Variants in SLC12A8 observed in about 807,000 individuals in gnomAD.
SLC12A8 encodes the protein solute carrier family 12 member 8.
In SLC12A8, 69 loss-of-function variants were observed where a neutral mutation model predicts 75.6. That is an observed-to-expected ratio of 0.91 (90% CI 0.75 to 1.11). The LOEUF (loss-of-function observed/expected upper bound fraction) is 1.11. Among genes scored for constraint, SLC12A8 ranks in the 50% most tolerant of loss-of-function variants. The pLI is 0.00. For synonymous variants in SLC12A8, 365 were observed against 372.8 expected (o/e 0.98, Z 0.24); for missense variants, 877 against 896.7 (o/e 0.98, Z 0.28).
intron 11 of SLC12A8, among the ~76,000 whole-genome samples, 160 bp downstream of exon 11, chr3:125,091,941 A>T (rs1002413632): frequency 2.0e-5 from 3 of 152,212 alleles, no homozygotes; most frequent in Admixed American, 2.0e-4. Flanking sequence ...ATTAAATGTA[A>T]TCTTGCCATA....
At chr3:125,180,528 A>C (rs940032794) in intron 4 of SLC12A8, among the ~76,000 whole-genome samples, 7 of 152,142 alleles carry the variant, frequency 4.6e-5, no homozygotes, top group African/African-American at 7.2e-5. Context: ...CTCCATCTCT[A>C]CTAAAAATAA....
At chr3:125,121,970 C>T (rs970259383) in intron 6 of SLC12A8, among the ~76,000 whole-genome samples, 10 of 152,218 alleles carry the variant, frequency 6.6e-5, no homozygotes, top group African/African-American at 2.2e-4. Context: ...TTTAGCCCAG[C>T]GTGTTTATAA....
intron 5 of SLC12A8, among the ~76,000 whole-genome samples, chr3:125,154,527 C>T (rs1314848739): frequency 6.6e-6 from 1 of 152,146 alleles, no homozygotes; most frequent in Non-Finnish European, 1.5e-5. Context: ...TAGCACCTGG[C>T]ACAAACAGAA....
At chr3:125,107,131 C>G (rs1939048078) in intron 10 of SLC12A8, among the ~76,000 whole-genome samples, 1 of 152,120 alleles carries the variant, frequency 6.6e-6, no homozygotes, top group Non-Finnish European at 1.5e-5. Flanking sequence ...TAGTTTATCA[C>G]AACACATTTC....
At chr3:125,100,173 T>C (rs2788463) in intron 10 of SLC12A8, among the ~76,000 whole-genome samples, 147,933 of 152,228 alleles carry the variant, frequency 0.97, 72,017 homozygotes, top group East Asian at 1. Context: ...AGTATATCAA[T>C]AAATATGTAA....
chr3:125,107,972 A>C lies in SLC12A8; in HGVS notation c.1214T>G (p.Leu405Arg). 6.2e-7 allele frequency: 1 copy of C among 1,614,218 alleles called. No homozygotes were observed. The change falls in exon 10 of 14, where the codon CTG becomes CGG. Residue 405 changes from leucine (L) to arginine (R), a missense_variant. Leu to Arg is a moderately radical substitution (Grantham distance 102, BLOSUM62 -2). Transcript: ENST00000469902. ...GGTCAGGCTGCAGGAACACATGGAC[A>C]GGGAGAAGTAAGAGTAGTCCACTGC... ...YVAVDYSYFSLSMCSCSLTPV... is the reference protein window; with the variant it reads ...YVAVDYSYFSRSMCSCSLTPV...
intron 5 of SLC12A8, among the ~76,000 whole-genome samples, chr3:125,173,452 CAAAAAAAAAAAAAA>C (rs61001520): frequency 2.5e-5 from 2 of 79,626 alleles, no homozygotes; most frequent in African/African-American, 5.4e-5. Flanking sequence ...ATTCATGAGC[CAAAAAAAAAAAAAA>C]AAAAAAAAAC....
intron 10 of SLC12A8, among the ~76,000 whole-genome samples, chr3:125,099,831 G>A (rs1459931971): frequency 6.6e-6 from 1 of 152,140 alleles, no homozygotes; most frequent in Non-Finnish European, 1.5e-5. Flanking sequence ...AGGAGGCTGA[G>A]GCAGGAGAAT....
intron 6 of SLC12A8, among the ~76,000 whole-genome samples, chr3:125,131,414 T>C (rs1933352898): frequency 6.6e-6 from 1 of 151,936 alleles, no homozygotes; most frequent in Non-Finnish European, 1.5e-5. Context: ...TGAGACAGAG[T>C]CTTGCTCTGT....
At chr3:125,148,938 C>T (rs1402672773) in intron 5 of SLC12A8, among the ~76,000 whole-genome samples, 1 of 151,884 alleles carries the variant, frequency 6.6e-6, no homozygotes, top group Non-Finnish European at 1.5e-5. Flanking sequence ...GGACACCTGC[C>T]ACGTGCAGTG....
At chr3:125,114,697 G>A (rs533143396) in intron 8 of SLC12A8, among the ~76,000 whole-genome samples, 7 of 152,288 alleles carry the variant, frequency 4.6e-5, no homozygotes, top group African/African-American at 1.7e-4. Context: ...AAAGTGCTGG[G>A]ATTACAGGCA....
In SLC12A8 at chr3:125,120,612, C is replaced by A; in HGVS notation, c.811G>T (p.Ala271Ser). Reference sequence around the variant, plus strand: ...AGGGGAACTTACGAGATGCCAACAGCTGCCAGGGAGCCCAGGGGAATGCTG... The same window carrying A: ...AGGGGAACTTACGAGATGCCAACAGATGCCAGGGAGCCCAGGGGAATGCTG... ...AASIPLGSLAAVGISWFLYII... is the reference protein window; with the variant it reads ...AASIPLGSLASVGISWFLYII... Residue 271 changes from alanine to serine, a missense_variant, in exon 7 of 14, where the codon GCT (alanine) becomes TCT (serine). Physicochemically the swap from Ala to Ser is moderately conservative, Grantham distance 99. Transcript: ENST00000469902. 1 of 1,613,438 alleles carries A rather than the reference C, an allele frequency of 6.2e-7. No individual in the cohort carries two copies. The highest frequency in any genetic ancestry group is 8.5e-7 in the Non-Finnish European group (1 of 1,179,674).
Position 125,147,291 on chromosome 3 carries a change from C to T in SLC12A8, c.623-11509G>A, listed in dbSNP as rs540357818. Among the ~76,000 whole-genome samples, 10 of 152,308 alleles carry T rather than the reference C, an allele frequency of 6.6e-5. No homozygotes were observed. In the East Asian group the frequency reaches 1.2e-3, roughly 18 times the overall value. ...GCCTTGAGTGAGTGTGCCTTTAACC[C>T]GGGCTGCCCTGGGCTACTGCCATAT... On this transcript the variant is annotated intron_variant, in intron 5 of 13. Coordinates refer to ENST00000469902, the MANE Select transcript of SLC12A8 (RefSeq NM_024628.6).
intron 6 of SLC12A8, among the ~76,000 whole-genome samples, chr3:125,124,793 TC>T (rs1402479710): frequency 2.4e-4 from 36 of 152,374 alleles, no homozygotes; most frequent in African/African-American, 7.9e-4. Flanking sequence ...TTTTTTCCTG[TC>T]TGTGTTAAGT....
Position 125,118,807 on chromosome 3 carries a change from G to T in SLC12A8, c.874C>A (p.Arg292=), listed in dbSNP as rs376676227. Residue 292 remains arginine (R), a synonymous_variant, in exon 8 of 14, where the codon CGA becomes AGA. Transcript: ENST00000469902. ...AGGAAGTCATAGCGAAGGGCCTCTCGAGTGCAGATGGCGCCCAGGAGGAAG... is the reference window on the plus strand; with the variant it reads ...AGGAAGTCATAGCGAAGGGCCTCTCTAGTGCAGATGGCGCCCAGGAGGAAG... ...FVFLLGAICT[R]EALRYDFLIA... is the part of the protein sequence containing the mutation. 6.2e-7 allele frequency: 1 copy of T among 1,613,696 alleles called. No homozygotes were observed. The highest frequency in any genetic ancestry group is 8.5e-7 in the Non-Finnish European group (1 of 1,179,874).
At chr3:125,201,809 A>C (rs1935126720) in intron 2 of SLC12A8, among the ~76,000 whole-genome samples, 1 of 152,190 alleles carries the variant, frequency 6.6e-6, no homozygotes, top group African/African-American at 2.4e-5. Flanking sequence ...TAAAATTCAG[A>C]AAGAAAAAAT....
chr3:125,192,046 A>G (rs1668542091), intron 2 of SLC12A8, among the ~76,000 whole-genome samples: 1 of 152,150 alleles, frequency 6.6e-6, no homozygotes, highest in South Asian at 2.1e-4. Context: ...TGGGGAATGC[A>G]GGAGTGTTTC....
chr3:125,098,400 T>G (rs1305469142), intron 10 of SLC12A8, among the ~76,000 whole-genome samples: 1 of 152,176 alleles, frequency 6.6e-6, no homozygotes, highest in Non-Finnish European at 1.5e-5. Flanking sequence ...TTGGGGTTGT[T>G]TCCTTGATAA....
Position 125,089,876 on chromosome 3 carries a change from G to A in SLC12A8, c.1922-1506C>T, listed in dbSNP as rs141463137. Among the ~76,000 whole-genome samples, 372 of 150,702 alleles carry A rather than the reference G, an allele frequency of 2.5e-3. 2 individuals are homozygous for A. The highest frequency in any genetic ancestry group is 8.6e-3 in the African/African-American group (353 of 40,962). ...TTTGCAAATGATCTTCTTTTCTAAC[G>A]TAAGCATTTGATGCTATAAATTTTC... is the stretch of plus-strand genomic sequence containing the variant. On this transcript the variant is annotated intron_variant, in intron 12 of 13. Coordinates refer to ENST00000469902, the MANE Select transcript of SLC12A8 (RefSeq NM_024628.6).
Sources: allele counts gnomAD v4.1 joint callset (sites outside exome capture counted in the v4.1 genomes callset), GRCh38; gene constraint gnomAD v4.1.1; transcripts MANE v1.5; gene names NCBI Gene and HGNC (gene_info 2026-07-23, HGNC 2026-07-21).